The following CCNY variants were observed in gnomAD, a reference collection of about 807,000 sequenced individuals.
CCNY encodes cyclin-Y.
A neutral mutation model predicts 42.8 loss-of-function variants in CCNY; 19 were observed. That is an observed-to-expected ratio of 0.44 (90% CI 0.31 to 0.65). CCNY has a LOEUF of 0.65. Ranked by LOEUF, CCNY falls within the 30% of genes least tolerant of loss-of-function variation. CCNY has a pLI of 0.07. For missense variants in CCNY, 370 were observed against 437.3 expected (o/e 0.85, Z 1.37); for synonymous variants, 165 against 162.7 (o/e 1.01, Z -0.11).
At chr10:35,532,921 A>G (rs1467743553) in intron 7 of CCNY, among the ~76,000 whole-genome samples, 1 of 152,150 alleles carries the variant, frequency 6.6e-6, no homozygotes, top group Non-Finnish European at 1.5e-5. Context: ...GCAGAAGGAG[A>G]TATATTGGAA....
At position 35,336,636 on chromosome 10, in the gene CCNY, A is replaced by G. The variant is rs1245453807; in HGVS notation, c.-418A>G. Among the ~76,000 whole-genome samples the G allele has an allele frequency of 7.1e-6, 1 of 140,666 alleles. No homozygotes were observed. Among genetic ancestry groups the G allele is most frequent in the Non-Finnish European group, 1.5e-5 (1 of 64,560 alleles). 92.3% of individuals were successfully genotyped at this position (140,666 alleles called of 152,430 possible). On this transcript the variant is annotated 5_prime_UTR_variant, in exon 1 of 10. Coordinates refer to ENST00000374704, the MANE Select transcript of CCNY (RefSeq NM_145012.6). ...ACGCGTGCCCCCGGCTTGAACCGGAACCTCTTGCCGAGGCGGCCGCCGTCG... is the reference window on the plus strand; with the variant it reads ...ACGCGTGCCCCCGGCTTGAACCGGAGCCTCTTGCCGAGGCGGCCGCCGTCG...
Position 35,569,290 on chromosome 10 carries a change from C to A in CCNY, c.*120C>A. ...TCCTTTTCTTTTTTTACGCATAGCTCCGTCAAGCTGCCTGGATGAGCGCCC... is the reference window on the plus strand; with the variant it reads ...TCCTTTTCTTTTTTTACGCATAGCTACGTCAAGCTGCCTGGATGAGCGCCC... On this transcript the variant is annotated 3_prime_UTR_variant, in exon 10 of 10. Transcript: ENST00000374704. The A allele has an allele frequency of 1.5e-6, 1 of 674,754 alleles. No individual in the cohort carries two copies. Among genetic ancestry groups the A allele is most frequent in the Non-Finnish European group, 2.6e-6 (1 of 380,592 alleles). The allele number at this position is 674,754 out of a possible 1,614,324, so 41.8% of individuals were successfully genotyped here.
At chr10:35,406,224 TA>T (rs1469132318) in intron 1 of CCNY, among the ~76,000 whole-genome samples, 39 of 147,736 alleles carry the variant, frequency 2.6e-4, no homozygotes, top group Admixed American at 1.8e-3. Flanking sequence ...TTTATTTATT[TA>T]TTTATTTATT....
intron 3 of CCNY, among the ~76,000 whole-genome samples, chr10:35,306,724 T>C (rs1835610802): frequency 6.6e-6 from 1 of 152,082 alleles, no homozygotes; most frequent in South Asian, 2.1e-4. Context: ...TTTTCTTTCT[T>C]TCCTCCTTCA....
intron 1 of CCNY, among the ~76,000 whole-genome samples, chr10:35,455,804 CTT>C (rs67784224): frequency 1.3e-5 from 1 of 76,010 alleles, no homozygotes; most frequent in African/African-American, 4.9e-5. Flanking sequence ...GGGATGCTTC[CTT>C]TTTTTTTTTT....
Position 35,569,351 on chromosome 10 carries a change from G to A in CCNY, c.*181G>A. ...GCTTGGAGGAAGCGTCAGTGCCCTG[G>A]AGATCCCAGCTCGCTCTCCCCACTG... On this transcript the variant is annotated 3_prime_UTR_variant, in exon 10 of 10. Coordinates refer to ENST00000374704, the MANE Select transcript of CCNY (RefSeq NM_145012.6). 1 of 593,730 alleles carries A rather than the reference G, an allele frequency of 1.7e-6. No individual in the cohort carries two copies. Among genetic ancestry groups the A allele is most frequent in the Non-Finnish European group, 3.0e-6 (1 of 332,366 alleles). 36.8% of individuals were successfully genotyped at this position (593,730 alleles called of 1,614,324 possible).
intron 1 of CCNY, among the ~76,000 whole-genome samples, chr10:35,408,622 A>G (rs976690427): frequency 2.0e-5 from 3 of 151,966 alleles, no homozygotes; most frequent in Non-Finnish European, 4.4e-5. Flanking sequence ...AACAAATCAC[A>G]ATGGTAGAAT....
chr10:35,437,473 G>T (rs1838563292), intron 1 of CCNY, among the ~76,000 whole-genome samples: 2 of 152,080 alleles, frequency 1.3e-5, no homozygotes, highest in South Asian at 2.1e-4. Flanking sequence ...GGGTAACATG[G>T]CAAAAACCTG....
rs191198302 is a variant in CCNY at position 35,370,378 on chromosome 10, C to T, written c.154+33171C>T. On this transcript the variant is annotated intron_variant, in intron 1 of 9. Coordinates refer to ENST00000374704, the MANE Select transcript of CCNY (RefSeq NM_145012.6). ...GTGTTAGCCAGGATGGTCTTGATCT[C>T]CTGACCTTGTGATCCGCCTGCTTCG... is the stretch of plus-strand genomic sequence containing the variant. Among the ~76,000 whole-genome samples, 7 of 152,158 alleles carry T rather than the reference C, an allele frequency of 4.6e-5. No homozygotes were observed. The East Asian group carries it at 1.2e-3, about 25-fold the overall frequency.
chr10:35,357,190 C>G (rs1490811035), intron 1 of CCNY, among the ~76,000 whole-genome samples: 1 of 150,114 alleles, frequency 6.7e-6, no homozygotes, highest in African/African-American at 2.5e-5. Flanking sequence ...CTGCCCCTGC[C>G]CCAGCCCCAG....
chr10:35,446,820 A>G (rs1176452431), intron 1 of CCNY, among the ~76,000 whole-genome samples: 3 of 152,220 alleles, frequency 2.0e-5, no homozygotes, highest in Non-Finnish European at 4.4e-5. Flanking sequence ...TCTCCAGCGG[A>G]AGTGTAATAA....
chr10:35,248,927 G>C (rs769264598), intron 2 of CCNY, among the ~76,000 whole-genome samples: 1 of 151,976 alleles, frequency 6.6e-6, no homozygotes. Context: ...CTTTTTAAAA[G>C]TCTTTTTTAG....
intron 1 of CCNY, among the ~76,000 whole-genome samples, chr10:35,343,942 A>T (rs1836243484): frequency 6.6e-6 from 1 of 152,364 alleles, no homozygotes; most frequent in African/African-American, 2.4e-5. Flanking sequence ...TCAAAGTGTG[A>T]ATCCTTTCAT....
intron 1 of CCNY, among the ~76,000 whole-genome samples, chr10:35,455,108 TAGC>T (rs1321018246): frequency 5.9e-5 from 9 of 152,266 alleles, no homozygotes; most frequent in African/African-American, 2.2e-4. Context: ...TCAAAGCTAA[TAGC>T]AGACAACACT....
chr10:35,569,371 C>G lies in CCNY; in HGVS notation c.*201C>G. ...CCCTGGAGATCCCAGCTCGCTCTCC[C>G]CACTGTCAGCAACAGCACTTCCTTC... On this transcript the variant is annotated 3_prime_UTR_variant, in exon 10 of 10. Coordinates refer to ENST00000374704, the MANE Select transcript of CCNY (RefSeq NM_145012.6). 1 of 576,026 alleles carries G rather than the reference C, an allele frequency of 1.7e-6. No individual in the cohort carries two copies. The highest frequency in any genetic ancestry group is 3.1e-6 in the Non-Finnish European group (1 of 321,960). The allele number at this position is 576,026 out of a possible 1,614,324, so 35.7% of individuals were successfully genotyped here. A position where few individuals can be genotyped will look rare whatever the true frequency, so the allele number is the denominator to read the frequency against.
intron 1 of CCNY, among the ~76,000 whole-genome samples, chr10:35,400,565 C>G (rs1837621128): frequency 6.6e-6 from 1 of 152,116 alleles, no homozygotes; most frequent in African/African-American, 2.4e-5. Flanking sequence ...TTTTTCCGAC[C>G]AACCTCTTCT....
intron 3 of CCNY, among the ~76,000 whole-genome samples, chr10:35,514,794 AT>A (rs1840395274): frequency 6.6e-6 from 1 of 152,222 alleles, no homozygotes; most frequent in Admixed American, 6.5e-5. Context: ...CTAAAAGTTT[AT>A]TAACACCAGA....
At chr10:35,403,977 G>T (rs892782088) in intron 1 of CCNY, among the ~76,000 whole-genome samples, 2 of 152,258 alleles carry the variant, frequency 1.3e-5, no homozygotes, top group Non-Finnish European at 2.9e-5. Context: ...AGTCATGGGG[G>T]TCAGGTGTGG....
At chr10:35,415,999 T>C (rs1275054146) in intron 1 of CCNY, among the ~76,000 whole-genome samples, 2 of 152,226 alleles carry the variant, frequency 1.3e-5, no homozygotes, top group Non-Finnish European at 2.9e-5. Context: ...TTGCTCTTTT[T>C]TCCCTATCCT....
Sources: allele counts gnomAD v4.1 joint callset (sites outside exome capture counted in the v4.1 genomes callset), GRCh38; gene constraint gnomAD v4.1.1; transcripts MANE v1.5; gene names NCBI Gene and HGNC (gene_info 2026-07-23, HGNC 2026-07-21).